Variants in CTIF observed in about 807,000 individuals in gnomAD.
CTIF encodes the protein cap binding complex dependent translation initiation factor.
Under a neutral mutation model 66.0 loss-of-function variants are expected in CTIF, and 21 were observed. That is an observed-to-expected ratio of 0.32 (90% CI 0.23 to 0.46). CTIF has a LOEUF of 0.46. Ranked by LOEUF, CTIF falls within the 20% of genes least tolerant of loss-of-function variation. The pLI is 1.00. For missense variants in CTIF, 739 were observed against 812.7 expected, an observed-to-expected ratio of 0.91 and a Z score of 1.10; for synonymous variants, 345 against 326.4, an observed-to-expected ratio of 1.06 and a Z score of -0.62.
intron 10 of CTIF, among the ~76,000 whole-genome samples, chr18:48,836,979 C>T (rs1336220050): frequency 3.3e-5 from 5 of 152,206 alleles, no homozygotes; most frequent in East Asian, 1.9e-4. Context: ...CCCTTCCCAT[C>T]GCATAAGGAG....
At chr18:48,545,225 G>A (rs1270763293) in intron 1 of CTIF, among the ~76,000 whole-genome samples, 4 of 152,360 alleles carry the variant, frequency 2.6e-5, no homozygotes, top group South Asian at 4.1e-4. Flanking sequence ...TGCAGACAGC[G>A]CTCAGAGTGG....
At chr18:48,796,749 T>C (rs113849357) in intron 9 of CTIF, among the ~76,000 whole-genome samples, 20 of 152,322 alleles carry the variant, frequency 1.3e-4, no homozygotes, top group Admixed American at 2.6e-4. Flanking sequence ...GGACTTAGAA[T>C]GCTCTTGCCT....
chr18:48,594,569 C>T (rs2337069), intron 1 of CTIF, among the ~76,000 whole-genome samples: 34,599 of 152,008 alleles, frequency 0.23, 4,028 homozygotes, highest in African/African-American at 0.28. Context: ...ATTCTCCAGC[C>T]ACCACTTTCC....
Position 48,692,318 on chromosome 18 carries a change from CAAAACAA to C in CTIF, c.508-19282_508-19276del, listed in dbSNP as rs920941220. Among the ~76,000 whole-genome samples, 22 of 129,672 alleles carry C rather than the reference CAAAACAA, an allele frequency of 1.7e-4. No homozygotes were observed. The East Asian group carries it at 1.8e-3, about 10-fold the overall frequency. 85.1% of individuals were successfully genotyped at this position (129,672 alleles called of 152,430 possible). ...GGCCACAAAAAAACAAAAACAAAAA[CAAAACAA>C]AAAACAAAAAACAAAAAAAAAAAAC... On this transcript the variant is annotated intron_variant, in intron 6 of 11. Transcript: ENST00000256413.
chr18:48,795,718 T>A (rs1168304948), intron 9 of CTIF, among the ~76,000 whole-genome samples: 1 of 152,252 alleles, frequency 6.6e-6, no homozygotes, highest in Non-Finnish European at 1.5e-5. Context: ...CTTTCTCTGT[T>A]GTCATCAGCC....
At chr18:48,810,409 G>A (rs778292942) in intron 9 of CTIF, among the ~76,000 whole-genome samples, 133 of 151,980 alleles carry the variant, frequency 8.8e-4, no homozygotes, top group Non-Finnish European at 1.6e-3. Flanking sequence ...ATCTAATACA[G>A]GTATTGTATA....
At chr18:48,617,639 G>T (rs1223047712) in intron 1 of CTIF, among the ~76,000 whole-genome samples, 2 of 152,186 alleles carry the variant, frequency 1.3e-5, no homozygotes, top group African/African-American at 4.8e-5. Flanking sequence ...AGTGGCAGGT[G>T]CAGGAAGAGG....
chr18:48,610,393 CTGGATG>C lies in CTIF; in HGVS notation c.-28-9144_-28-9139del, dbSNP rs2090284653. ...TCACAGAGCCCACCTGGATGCCCACCTGGATGCCCACCTGGATGCCCACCTGGATGC... is the reference window on the plus strand; with the variant it reads ...TCACAGAGCCCACCTGGATGCCCACCCCCACCTGGATGCCCACCTGGATGC... On this transcript the variant is annotated intron_variant, in intron 1 of 11. Coordinates refer to ENST00000256413, the MANE Select transcript of CTIF (RefSeq NM_014772.3). Among the ~76,000 whole-genome samples the C allele has an allele frequency of 8.0e-5, 9 of 112,312 alleles. No individual in the cohort carries two copies. In the South Asian group the frequency reaches 2.3e-3, roughly 28 times the overall value. 73.7% of individuals were successfully genotyped at this position (112,312 alleles called of 152,430 possible). A position where few individuals can be genotyped will look rare whatever the true frequency, so the allele number is the denominator to read the frequency against.
rs1031973502 is a variant in CTIF at position 48,860,301 on chromosome 18, A to T, written c.*742A>T. On this transcript the variant is annotated 3_prime_UTR_variant, in exon 12 of 12. Transcript: ENST00000256413. The stretch of plus-strand genomic sequence containing the variant: ...GGTTGCTTTGAAGTCTCTTTGGCCA[A>T]TGAAAATGCCCGTGATGTGATCACA... The T allele has an allele frequency of 6.9e-6, 2 of 288,812 alleles. No individual in the cohort carries two copies. Among genetic ancestry groups the T allele is most frequent in the Admixed American group, 8.8e-5 (2 of 22,714 alleles). 17.9% of individuals were successfully genotyped at this position (288,812 alleles called of 1,614,324 possible).
At chr18:48,676,403 G>A (rs2091630055) in intron 6 of CTIF, among the ~76,000 whole-genome samples, 1 of 152,208 alleles carries the variant, frequency 6.6e-6, no homozygotes, top group African/African-American at 2.4e-5. Flanking sequence ...CTGACAGTAG[G>A]AACTACATAA....
chr18:48,731,988 G>A (rs2092460457), intron 7 of CTIF, among the ~76,000 whole-genome samples: 2 of 152,254 alleles, frequency 1.3e-5, no homozygotes, highest in Admixed American at 6.5e-5. Flanking sequence ...TCCATAACCA[G>A]ATAGCGGCTC....
intron 10 of CTIF, among the ~76,000 whole-genome samples, chr18:48,848,338 CCT>C (rs2069125610): frequency 6.6e-6 from 1 of 152,252 alleles, no homozygotes; most frequent in South Asian, 2.1e-4. Context: ...CAATCACAGC[CCT>C]CTGCAAACCT....
chr18:48,806,409 C>T (rs2068148266), intron 9 of CTIF, among the ~76,000 whole-genome samples: 2 of 152,138 alleles, frequency 1.3e-5, no homozygotes, highest in Non-Finnish European at 2.9e-5. Context: ...ACTTTCTCCT[C>T]CCCACTGGAG....
At chr18:48,737,461 C>T (rs2092513162) in intron 7 of CTIF, among the ~76,000 whole-genome samples, 1 of 152,204 alleles carries the variant, frequency 6.6e-6, no homozygotes, top group South Asian at 2.1e-4. Flanking sequence ...GCTCTTTGCC[C>T]CTTACCCAGA....
In CTIF at chr18:48,619,632, G is replaced by A; in HGVS notation, c.67G>A (p.Glu23Lys). The A allele has an allele frequency of 6.2e-7, 1 of 1,605,734 alleles. No homozygotes were observed. The highest frequency in any genetic ancestry group is 1.3e-5 in the African/African-American group (1 of 74,898). Residue 23 changes from glutamate (E) to lysine (K), a missense_variant, in exon 2 of 12, where the codon GAG becomes AAG. This residue lies in a region of CTIF where 529 missense variants were observed against 520.3 expected (regional missense o/e 1.02). Coordinates refer to ENST00000256413, the MANE Select transcript of CTIF (RefSeq NM_014772.3). ...AGSSRSQEIEELERFIDSYVL... is the reference protein window; with the variant it reads ...AGSSRSQEIEKLERFIDSYVL... ...GAGCAGCCGCTCCCAGGAGATCGAGGAGCTGGAGCGCTTCATCGACAGCTA... is the reference window on the plus strand; with the variant it reads ...GAGCAGCCGCTCCCAGGAGATCGAGAAGCTGGAGCGCTTCATCGACAGCTA...
intron 10 of CTIF, among the ~76,000 whole-genome samples, chr18:48,818,881 G>C (rs1458056815): frequency 6.6e-6 from 1 of 152,190 alleles, no homozygotes; most frequent in Non-Finnish European, 1.5e-5. Flanking sequence ...GAGGACAGGA[G>C]TGTGGACACG....
intron 2 of CTIF, among the ~76,000 whole-genome samples, chr18:48,629,819 T>C (rs2081319559): frequency 6.6e-6 from 1 of 152,166 alleles, no homozygotes; most frequent in Non-Finnish European, 1.5e-5. Flanking sequence ...GTCTCCATGT[T>C]TGCTAATTAG....
At chr18:48,577,265 T>C (rs903155941) in intron 1 of CTIF, among the ~76,000 whole-genome samples, 3 of 152,214 alleles carry the variant, frequency 2.0e-5, no homozygotes, top group African/African-American at 7.2e-5. Flanking sequence ...TCAAAAGCCA[T>C]GTCCAGAAGA....
intron 3 of CTIF, among the ~76,000 whole-genome samples, chr18:48,639,485 G>T (rs959699586): frequency 1.3e-5 from 2 of 152,156 alleles, no homozygotes; most frequent in Non-Finnish European, 2.9e-5. Flanking sequence ...GAGGAGGTGA[G>T]GGGGAGTTGC....
Sources: allele counts gnomAD v4.1 joint callset (sites outside exome capture counted in the v4.1 genomes callset), GRCh38; gene constraint gnomAD v4.1.1; regional missense constraint gnomAD v4.1.1; transcripts MANE v1.5; gene names NCBI Gene and HGNC (gene_info 2026-07-23, HGNC 2026-07-21).